Variants in TRHDE observed in about 807,000 individuals in gnomAD.
TRHDE encodes thyrotropin-releasing hormone-degrading ectoenzyme.
Under a neutral mutation model 125.7 loss-of-function variants are expected in TRHDE, and 72 were observed. That is an observed-to-expected ratio of 0.57 (90% confidence interval 0.47 to 0.70). The LOEUF is 0.70. TRHDE is among the 30% of genes least tolerant of loss of function. TRHDE has a pLI of 0.00. For missense variants in TRHDE, 1,110 were observed against 1,327.1 expected (o/e 0.84, Z 2.54); for synonymous variants, 509 against 509.1 (o/e 1.00, Z 0.00).
At chr12:72,195,745 AT>A (rs775066907) in intron 2 of TRHDE, among the ~76,000 whole-genome samples, 13 of 151,956 alleles carry the variant, frequency 8.6e-5, no homozygotes, top group Non-Finnish European at 1.9e-4. Context: ...CCACTTGTCA[AT>A]TTTTGTTTTT....
chr12:72,220,237 C>T (rs11179113), intron 2 of TRHDE, among the ~76,000 whole-genome samples: 50,419 of 151,732 alleles, frequency 0.33, 8,690 homozygotes, highest in Admixed American at 0.38. Flanking sequence ...ATTTTCTTTT[C>T]TTCAGTCCTG....
At chr12:72,307,197 A>T (rs564102807) in intron 2 of TRHDE, among the ~76,000 whole-genome samples, 3 of 151,992 alleles carry the variant, frequency 2.0e-5, no homozygotes, top group Admixed American at 2.0e-4. Context: ...CTCTGGCTGG[A>T]GTGCAGTGGT....
chr12:72,088,159 A>C (rs532167786), intron 1 of TRHDE, among the ~76,000 whole-genome samples: 2 of 152,304 alleles, frequency 1.3e-5, no homozygotes, highest in East Asian at 1.9e-4. Flanking sequence ...CAGCAGTGGA[A>C]AAGTGGCTGT....
chr12:72,380,873 CTCT>C (rs1358660694), intron 3 of TRHDE, among the ~76,000 whole-genome samples: 1 of 146,826 alleles, frequency 6.8e-6, no homozygotes, highest in Non-Finnish European at 1.5e-5. Flanking sequence ...CTCTCTCTCT[CTCT>C]TCTTTCTTTC....
chr12:72,123,998 G>A (rs1442113556), intron 2 of TRHDE, among the ~76,000 whole-genome samples: 1 of 152,102 alleles, frequency 6.6e-6, no homozygotes, highest in East Asian at 1.9e-4. Context: ...TCAGTGGTTT[G>A]TTCCTTTTTA....
At chr12:72,117,518 CCAGTTTTGTTA>C (rs1421588483) in intron 2 of TRHDE, among the ~76,000 whole-genome samples, 1 of 152,088 alleles carries the variant, frequency 6.6e-6, no homozygotes, top group Non-Finnish European at 1.5e-5. Flanking sequence ...TGCGATTCCT[CCAGTTTTGTTA>C]TTTTTGTTCA....
In TRHDE at chr12:72,523,011, A is replaced by T. The variant is rs542086929; in HGVS notation, c.1723-19280A>T. Reference sequence around the variant, plus strand: ...CCATTTTCCACTTCTGCTTGAGAAAACATTTTTATAGCTTTGAGACCAAAT... The same window carrying T: ...CCATTTTCCACTTCTGCTTGAGAAATCATTTTTATAGCTTTGAGACCAAAT... On this transcript the variant is annotated intron_variant, in intron 6 of 18. Transcript: ENST00000261180. Among the ~76,000 whole-genome samples, 3 of 151,986 alleles carry T rather than the reference A, an allele frequency of 2.0e-5. No individual in the cohort carries two copies. In the South Asian group the frequency reaches 6.2e-4, roughly 32 times the overall value.
intron 15 of TRHDE, among the ~76,000 whole-genome samples, chr12:72,642,867 A>G (rs1166798410): frequency 6.6e-6 from 1 of 152,156 alleles, no homozygotes; most frequent in Non-Finnish European, 1.5e-5. Context: ...TTTACAAACA[A>G]ATGGGCATTT....
intron 2 of TRHDE, among the ~76,000 whole-genome samples, chr12:72,113,231 C>T (rs1293097693): frequency 1.3e-5 from 2 of 151,844 alleles, no homozygotes; most frequent in African/African-American, 4.8e-5. Context: ...GTTGCCCAGG[C>T]TGGTCTTGAA....
chr12:72,225,704 G>T (rs1878115726), intron 2 of TRHDE, among the ~76,000 whole-genome samples: 1 of 152,178 alleles, frequency 6.6e-6, no homozygotes. Flanking sequence ...TGGGAGATCA[G>T]TTATTGTATT....
At chr12:72,567,095 TC>T (rs1870483073) in intron 9 of TRHDE, among the ~76,000 whole-genome samples, 1 of 151,960 alleles carries the variant, frequency 6.6e-6, no homozygotes, top group Non-Finnish European at 1.5e-5. Context: ...CTTTGTCTCT[TC>T]CTCAAATCTG....
chr12:72,102,887 C>G (rs1446677088), intron 1 of TRHDE, among the ~76,000 whole-genome samples: 1 of 152,216 alleles, frequency 6.6e-6, no homozygotes. Flanking sequence ...GTCACAGCAG[C>G]AGAGAACCAC....
At chr12:72,579,093 A>G (rs1871129607) in intron 12 of TRHDE, among the ~76,000 whole-genome samples, 1 of 151,724 alleles carries the variant, frequency 6.6e-6, no homozygotes. Flanking sequence ...TCAAGATTGC[A>G]ATGAGTGTCC....
chr12:72,430,215 C>CAT (rs964321981), intron 3 of TRHDE, among the ~76,000 whole-genome samples: 51 of 146,046 alleles, frequency 3.5e-4, no homozygotes, highest in African/African-American at 1.0e-3. Context: ...CATTCTTTTG[C>CAT]ATATATATAT....
chr12:72,236,453 C>T (rs1878339660), intron 2 of TRHDE, among the ~76,000 whole-genome samples: 1 of 149,908 alleles, frequency 6.7e-6, no homozygotes, highest in East Asian at 1.9e-4. Flanking sequence ...TGTCAGTTTT[C>T]AATCATTATT....
chr12:72,607,454 G>A (rs776190721), intron 12 of TRHDE, among the ~76,000 whole-genome samples: 17 of 152,150 alleles, frequency 1.1e-4, no homozygotes, highest in Non-Finnish European at 2.5e-4. Context: ...ATGTGAAAAT[G>A]GAATAGTTTT....
chr12:72,356,708 G>A (rs1870839885), intron 2 of TRHDE, among the ~76,000 whole-genome samples: 1 of 151,390 alleles, frequency 6.6e-6, no homozygotes. Flanking sequence ...ATTTGTTAAA[G>A]AGGTAAAATT....
At chr12:72,583,585 G>C (rs1042412651) in intron 12 of TRHDE, among the ~76,000 whole-genome samples, 10 of 152,142 alleles carry the variant, frequency 6.6e-5, no homozygotes, top group African/African-American at 2.4e-4. Flanking sequence ...CTTTGCCACA[G>C]ATAAATGTTA....
rs545735182 is a variant in TRHDE, at chr12:72,125,540, C to T, written n.279+19788C>T. ...CCATCTTTAATACTCCTTTATCCCT[C>T]CAACATACACTCCTATGTATTTAAT... On this transcript the variant is annotated intron_variant and non_coding_transcript_variant, in intron 2 of 4. Transcript: ENST00000548156. 8.5e-5 allele frequency among the ~76,000 whole-genome samples: 13 copies of T among 152,266 alleles called. No homozygotes were observed. The East Asian group carries it at 2.5e-3, about 29-fold the overall frequency.
Sources: gnomAD v4.1 joint callset for allele counts (sites outside exome capture counted in the v4.1 genomes callset) on GRCh38, gnomAD v4.1.1 for gene constraint, MANE v1.5 for transcripts, NCBI Gene and HGNC (gene_info 2026-07-23, HGNC 2026-07-21) for gene names.